PLEKHH2: variants seen among roughly 807,000 people sequenced by gnomAD.
The protein encoded by PLEKHH2 is pleckstrin homology, MyTH4 and FERM domain containing H2.
Under a neutral mutation model 187.9 loss-of-function variants are expected in PLEKHH2, and 129 were observed. The observed-to-expected ratio is 0.69, with a 90% confidence interval of 0.59 to 0.79. The LOEUF (loss-of-function observed/expected upper bound fraction) is 0.79, where lower values mean the gene tolerates loss of function less well. PLEKHH2 is among the 30% of genes least tolerant of loss of function. The pLI, the probability that PLEKHH2 is intolerant of heterozygous loss-of-function variation, is 0.00. For synonymous variants in PLEKHH2, 686 were observed against 605.6 expected (o/e 1.13, Z -1.95); for missense variants, 2,076 against 1,751.2 (o/e 1.19, Z -3.31).
chr2:43,640,515 T>G (rs1665846585), intron 1 of PLEKHH2, among the ~76,000 whole-genome samples: 1 of 152,168 alleles, frequency 6.6e-6, no homozygotes, highest in South Asian at 2.1e-4. Context: ...TCAGGAACTG[T>G]AAAACTGTTT....
chr2:43,681,629 A>G, intron 3 of PLEKHH2: 2 of 674,514 alleles, frequency 3.0e-6, no homozygotes, highest in Middle Eastern at 3.6e-4. Flanking sequence ...CACAATATGC[A>G]TTTTTGTTCT....
At chr2:43,694,174 G>A (rs1435277702) in intron 4 of PLEKHH2, among the ~76,000 whole-genome samples, 2 of 152,176 alleles carry the variant, frequency 1.3e-5, no homozygotes, top group Non-Finnish European at 2.9e-5. Flanking sequence ...AAATTCAGTG[G>A]ATTGACTTCA....
chr2:43,648,989 G>A (rs879526044), intron 2 of PLEKHH2, among the ~76,000 whole-genome samples: 5 of 152,156 alleles, frequency 3.3e-5, no homozygotes, highest in Admixed American at 2.0e-4. Flanking sequence ...AATTATATAT[G>A]CCCTATATTT....
Position 43,712,357 on chromosome 2 carries a change from C to T in PLEKHH2, c.2434C>T (p.Pro812Ser). Reference sequence around the variant, plus strand: ...ACTTTCCCTGCAGCCTGAGGGCAAACCCACCATGAAGGGATTGCTCACTAA... The same window carrying T: ...ACTTTCCCTGCAGCCTGAGGGCAAATCCACCATGAAGGGATTGCTCACTAA... ...NPLSLQPEGK[P>S]TMKGLLTKVK... The change falls in exon 15 of 30, where the codon CCC becomes TCC. Residue 812 changes from proline (P) to serine (S), a missense_variant. Physicochemically the swap from Pro to Ser is moderately conservative, Grantham distance 74. Coordinates refer to ENST00000282406, the MANE Select transcript of PLEKHH2 (RefSeq NM_172069.4). The T allele has an allele frequency of 6.2e-7, 1 of 1,614,190 alleles. No individual in the cohort carries two copies. Among genetic ancestry groups the T allele is most frequent in the African/African-American group, 1.3e-5 (1 of 75,068 alleles).
intron 1 of PLEKHH2, among the ~76,000 whole-genome samples, chr2:43,643,951 T>G (rs573564523): frequency 6.6e-6 from 1 of 152,126 alleles, no homozygotes; most frequent in African/African-American, 2.4e-5. Context: ...AAAGTTAATA[T>G]GGAAAACACT....
At chr2:43,677,965 C>T (rs1276214019) in intron 2 of PLEKHH2, among the ~76,000 whole-genome samples, 21 of 150,134 alleles carry the variant, frequency 1.4e-4, no homozygotes, top group East Asian at 3.9e-4. Context: ...GGGCGGCTGC[C>T]GGGCGGAGGG....
intron 7 of PLEKHH2, among the ~76,000 whole-genome samples, chr2:43,699,395 T>C (rs1388660680): frequency 6.6e-6 from 1 of 152,152 alleles, no homozygotes; most frequent in Non-Finnish European, 1.5e-5. Flanking sequence ...TTAAAAAAAA[T>C]AGAGGCAGGG....
intron 19 of PLEKHH2, among the ~76,000 whole-genome samples, chr2:43,733,410 C>T (rs1289860013): frequency 1.3e-5 from 2 of 151,614 alleles, no homozygotes; most frequent in Non-Finnish European, 2.9e-5. Flanking sequence ...ACAACCCTTT[C>T]TCCTCCACTC....
chr2:43,676,338 A>G (rs780413492), intron 2 of PLEKHH2: 2 of 1,577,204 alleles, frequency 1.3e-6, no homozygotes, highest in Non-Finnish European at 1.7e-6. Context: ...AGGCGTTAGG[A>G]CAGTGTGCCA....
intron 15 of PLEKHH2, among the ~76,000 whole-genome samples, chr2:43,714,565 A>G (rs1670125685): frequency 6.6e-6 from 1 of 152,166 alleles, no homozygotes; most frequent in South Asian, 2.1e-4. Context: ...AGGTTGTCAC[A>G]TTGTTTTTAT....
intron 1 of PLEKHH2, among the ~76,000 whole-genome samples, chr2:43,639,658 T>TG (rs1703277307): frequency 7.0e-6 from 1 of 142,808 alleles, no homozygotes; most frequent in South Asian, 2.3e-4. Context: ...CACTTTTTTT[T>TG]TTTTTTTTTT....
chr2:43,738,912 A>C (rs1235081946), intron 20 of PLEKHH2, among the ~76,000 whole-genome samples: 1 of 152,186 alleles, frequency 6.6e-6, no homozygotes, highest in East Asian at 1.9e-4. Flanking sequence ...CCTAAATGAG[A>C]TGGAGTTTCG....
In PLEKHH2 at chr2:43,697,335, A is replaced by C; in HGVS notation, c.667A>C (p.Thr223Pro). The C allele has an allele frequency of 3.1e-6, 5 of 1,611,734 alleles. No individual in the cohort carries two copies. Among genetic ancestry groups the C allele is most frequent in the Non-Finnish European group, 3.4e-6 (4 of 1,179,034 alleles). The change falls in exon 7 of 30, where the codon ACT (threonine) becomes CCT (proline). Residue 223 changes from threonine to proline, a missense_variant. Coordinates refer to ENST00000282406, the MANE Select transcript of PLEKHH2 (RefSeq NM_172069.4). Reference sequence around the variant, plus strand: ...GATATCATCGAAAGAACCTGAGTTCACTGAAGGAAAAGACATGGAAGGTAT... The same window carrying C: ...GATATCATCGAAAGAACCTGAGTTCCCTGAAGGAAAAGACATGGAAGGTAT... ...SKISSKEPEF[T>P]EGKDMEEMEI... is the part of the protein sequence containing the mutation.
intron 3 of PLEKHH2, among the ~76,000 whole-genome samples, chr2:43,682,223 A>C (rs1668229685): frequency 6.6e-6 from 1 of 152,198 alleles, no homozygotes; most frequent in Non-Finnish European, 1.5e-5. Flanking sequence ...TATATCAAAG[A>C]TCTAGTCAGT....
intron 18 of PLEKHH2, 112 bp downstream of exon 18, chr2:43,729,857 A>G (rs1670953968): frequency 1.7e-6 from 1 of 600,600 alleles, no homozygotes; most frequent in Non-Finnish European, 2.7e-6. Flanking sequence ...AAATATACCC[A>G]CCTTTTCATT....
chr2:43,736,548 G>A (rs892174725), intron 19 of PLEKHH2, among the ~76,000 whole-genome samples: 4 of 152,224 alleles, frequency 2.6e-5, no homozygotes, highest in Middle Eastern at 3.4e-3. Flanking sequence ...AGACTTCACA[G>A]GGCTGATCGG....
intron 2 of PLEKHH2, among the ~76,000 whole-genome samples, chr2:43,654,944 T>C (rs1486206182): frequency 6.6e-6 from 1 of 151,392 alleles, no homozygotes; most frequent in South Asian, 2.1e-4. Context: ...GGGGTATTGC[T>C]TGAACCTGGG....
intron 24 of PLEKHH2, among the ~76,000 whole-genome samples, chr2:43,752,638 G>A (rs1264466931): frequency 6.6e-5 from 10 of 152,272 alleles, no homozygotes; most frequent in Non-Finnish European, 1.5e-5. Flanking sequence ...CTCTTTTCCA[G>A]CCACTGTGTT....
intron 1 of PLEKHH2, among the ~76,000 whole-genome samples, chr2:43,643,556 T>G (rs1011719783): frequency 6.6e-6 from 1 of 152,068 alleles, no homozygotes; most frequent in Non-Finnish European, 1.5e-5. Flanking sequence ...GATTCTATAT[T>G]ACGCTAAATA....
Sources: allele counts gnomAD v4.1 joint callset (sites outside exome capture counted in the v4.1 genomes callset), GRCh38; gene constraint gnomAD v4.1.1; transcripts MANE v1.5; gene names NCBI Gene and HGNC (gene_info 2026-07-23, HGNC 2026-07-21).